The following ARFIP1 variants were observed in gnomAD, a reference collection of about 807,000 sequenced individuals.
ARFIP1 encodes ARF interacting protein 1.
Under a neutral mutation model 42.5 loss-of-function variants are expected in ARFIP1, and 24 were observed. The ratio of observed to expected loss-of-function variants is 0.57; its 90% CI spans 0.41 to 0.80. The LOEUF (loss-of-function observed/expected upper bound fraction) is 0.80. ARFIP1 is among the 30% of genes least tolerant of loss of function. ARFIP1 has a pLI of 0.00. For synonymous variants in ARFIP1, 141 were observed against 153.7 expected (o/e 0.92, Z 0.61); for missense variants, 354 against 434.0 (o/e 0.82, Z 1.64).
At chr4:152,903,014 G>C (rs1737976669) in intron 8 of ARFIP1, among the ~76,000 whole-genome samples, 1 of 152,174 alleles carries the variant, frequency 6.6e-6, no homozygotes, top group South Asian at 2.1e-4. Context: ...TTTAAAAGTT[G>C]TATTGCAATT....
intron 1 of ARFIP1, among the ~76,000 whole-genome samples, chr4:152,802,044 C>T (rs1010425051): frequency 2.6e-5 from 4 of 152,130 alleles, no homozygotes; most frequent in African/African-American, 9.7e-5. Flanking sequence ...TGAATTACCA[C>T]ATTGTAATAA....
At chr4:152,831,839 T>G (rs1336076694) in intron 2 of ARFIP1, among the ~76,000 whole-genome samples, 1 of 152,182 alleles carries the variant, frequency 6.6e-6, no homozygotes, top group Non-Finnish European at 1.5e-5. Context: ...GGTATACATG[T>G]GCCATGGTGG....
At chr4:152,821,697 T>C (rs1330492853) in intron 1 of ARFIP1, among the ~76,000 whole-genome samples, 1 of 152,222 alleles carries the variant, frequency 6.6e-6, no homozygotes, top group East Asian at 1.9e-4. Context: ...GTCATCAGGC[T>C]ATCTAAAGTC....
chr4:152,884,980 CA>C (rs2149894681), intron 7 of ARFIP1, among the ~76,000 whole-genome samples: 1 of 152,138 alleles, frequency 6.6e-6, no homozygotes, highest in Non-Finnish European at 1.5e-5. Flanking sequence ...AAAACAACAA[CA>C]GTAATGTTGT....
chr4:152,781,576 A>G (rs1365262041), intron 1 of ARFIP1, among the ~76,000 whole-genome samples: 2 of 152,160 alleles, frequency 1.3e-5, no homozygotes, highest in Admixed American at 1.3e-4. Flanking sequence ...GAGCGGCTAC[A>G]GATTACTATA....
intron 2 of ARFIP1, among the ~76,000 whole-genome samples, chr4:152,854,238 T>A (rs1344936207): frequency 6.6e-6 from 1 of 152,204 alleles, no homozygotes; most frequent in African/African-American, 2.4e-5. Context: ...TTCTTCTGCA[T>A]GAGCTAGTCT....
chr4:152,897,797 A>T (rs1737468577), intron 8 of ARFIP1, among the ~76,000 whole-genome samples: 1 of 152,138 alleles, frequency 6.6e-6, no homozygotes, highest in African/African-American at 2.4e-5. Flanking sequence ...CAGATCACTA[A>T]TAACTGCATT....
intron 1 of ARFIP1, among the ~76,000 whole-genome samples, chr4:152,824,159 A>G (rs1730622275): frequency 6.6e-6 from 1 of 151,798 alleles, no homozygotes; most frequent in Non-Finnish European, 1.5e-5. Context: ...CTAAAAATAC[A>G]AAAATTAGCT....
intron 1 of ARFIP1, among the ~76,000 whole-genome samples, chr4:152,808,364 A>T (rs1729178559): frequency 7.9e-6 from 1 of 126,662 alleles, no homozygotes; most frequent in Non-Finnish European, 1.6e-5. Flanking sequence ...AGTTCATTGT[A>T]TGACTCCACC....
intron 2 of ARFIP1, among the ~76,000 whole-genome samples, chr4:152,834,968 C>T (rs930995836): frequency 6.6e-6 from 1 of 152,206 alleles, no homozygotes; most frequent in African/African-American, 2.4e-5. Flanking sequence ...AGCAGTGTCC[C>T]AAGGTTGCAC....
chr4:152,912,217 A>G lies in ARFIP1; in HGVS notation c.*1998A>G, dbSNP rs1012257203. On this transcript the variant is annotated 3_prime_UTR_variant, in exon 9 of 9. Transcript: ENST00000353617. Reference sequence around the variant, plus strand: ...GCACATGACCAAAAGAAAAAAGTAAATCAATATATTTAGCCAATGGTACAT... The same window carrying G: ...GCACATGACCAAAAGAAAAAAGTAAGTCAATATATTTAGCCAATGGTACAT... 3.3e-5 allele frequency: 5 copies of G among 152,180 alleles called. No individual in the cohort carries two copies. Among genetic ancestry groups the G allele is most frequent in the Admixed American group, 6.5e-5 (1 of 15,284 alleles). The allele number at this position is 152,180 out of a possible 1,614,324, so 9.4% of individuals were successfully genotyped here. A position where few individuals can be genotyped will look rare whatever the true frequency, so the allele number is the denominator to read the frequency against.
chr4:152,850,967 AACTGTT>A (rs1256890908), intron 2 of ARFIP1, among the ~76,000 whole-genome samples: 1 of 152,246 alleles, frequency 6.6e-6, no homozygotes, highest in Non-Finnish European at 1.5e-5. Context: ...ATAGACAGCT[AACTGTT>A]AAACTAACAA....
In ARFIP1 at chr4:152,795,911, G is replaced by GT. The variant is rs775461933; in HGVS notation, c.-10+15692dup. The stretch of plus-strand genomic sequence containing the variant: ...TTTTGGTCCTTTTTCCCTTTGTTTT[G>GT]TTTTTTTCCGCCCCATTTTAATGTT... On this transcript the variant is annotated intron_variant, in intron 1 of 8. Transcript: ENST00000353617. 1.3e-3 allele frequency among the ~76,000 whole-genome samples: 122 copies of GT among 94,342 alleles called. 1 individual carries two copies. Among genetic ancestry groups the GT allele is most frequent in the Non-Finnish European group, 5.1e-4 (24 of 47,280 alleles). 61.9% of individuals were successfully genotyped at this position (94,342 alleles called of 152,430 possible).
chr4:152,903,379 AT>A (rs1264130008), intron 8 of ARFIP1, among the ~76,000 whole-genome samples: 1 of 152,192 alleles, frequency 6.6e-6, no homozygotes, highest in Non-Finnish European at 1.5e-5. Context: ...AGTGAGATAA[AT>A]TATCTGTTTT....
chr4:152,840,793 A>G (rs1732004740), intron 2 of ARFIP1, among the ~76,000 whole-genome samples: 1 of 142,222 alleles, frequency 7.0e-6, no homozygotes, highest in South Asian at 2.2e-4. Flanking sequence ...ATCTCGGCTC[A>G]CTGCAGCTTC....
At chr4:152,906,691 T>C (rs1296786339) in intron 8 of ARFIP1, among the ~76,000 whole-genome samples, 5 of 152,212 alleles carry the variant, frequency 3.3e-5, no homozygotes, top group Admixed American at 6.5e-5. Context: ...ACCAGTAGCT[T>C]TTCATCTCAT....
chr4:152,890,986 G>T (rs1348781240), intron 8 of ARFIP1, among the ~76,000 whole-genome samples: 1 of 152,140 alleles, frequency 6.6e-6, no homozygotes, highest in African/African-American at 2.4e-5. Context: ...AGTTCTAGAG[G>T]CTGGGAAGTT....
intron 2 of ARFIP1, among the ~76,000 whole-genome samples, chr4:152,843,593 A>C (rs1299091744): frequency 6.6e-6 from 1 of 152,144 alleles, no homozygotes; most frequent in African/African-American, 2.4e-5. Flanking sequence ...GTCTTGCTGC[A>C]GCTGCTCTGG....
At chr4:152,905,360 A>G (rs1450053797) in intron 8 of ARFIP1, among the ~76,000 whole-genome samples, 1 of 152,034 alleles carries the variant, frequency 6.6e-6, no homozygotes, top group African/African-American at 2.4e-5. Flanking sequence ...AGTATGGTCA[A>G]GGTTTTTTAA....
Sources: gnomAD v4.1 joint callset for allele counts (sites outside exome capture counted in the v4.1 genomes callset) on GRCh38, gnomAD v4.1.1 for gene constraint, MANE v1.5 for transcripts, NCBI Gene and HGNC (gene_info 2026-07-23, HGNC 2026-07-21) for gene names.